GSK3B: variants seen among roughly 807,000 people sequenced by gnomAD.
The protein encoded by GSK3B is glycogen synthase kinase 3 beta, also known as glycogen synthase kinase-3 beta.
Under a neutral mutation model 56.4 loss-of-function variants are expected in GSK3B, and 15 were observed. The ratio of observed to expected loss-of-function variants is 0.27; its 90% CI spans 0.18 to 0.41. The LOEUF (loss-of-function observed/expected upper bound fraction) is 0.41. Among genes scored for constraint, GSK3B ranks in the 10% least tolerant of loss-of-function variants. The probability of loss-of-function intolerance (pLI) is 1.00; values close to 1 mark genes in which losing one functional copy is unlikely to be tolerated. For missense variants in GSK3B, 300 were observed against 513.4 expected, an observed-to-expected ratio of 0.58 and a Z score of 4.02; for synonymous variants, 181 against 188.9, an observed-to-expected ratio of 0.96 and a Z score of 0.34.
intron 3 of GSK3B, among the ~76,000 whole-genome samples, chr3:119,930,214 T>C (rs2056932576): frequency 6.6e-6 from 1 of 152,180 alleles, no homozygotes; most frequent in South Asian, 2.1e-4. Flanking sequence ...CAGAGATTTC[T>C]AGTTACAGGA....
intron 6 of GSK3B, among the ~76,000 whole-genome samples, chr3:119,909,210 C>T (rs959869581): frequency 1.1e-4 from 16 of 152,012 alleles, no homozygotes; most frequent in African/African-American, 3.6e-4. Flanking sequence ...AGGTTTTCAC[C>T]ATGTTGCCCA....
intron 1 of GSK3B, among the ~76,000 whole-genome samples, chr3:120,038,353 C>T (rs772704997): frequency 3.9e-5 from 6 of 152,068 alleles, no homozygotes; most frequent in Non-Finnish European, 8.8e-5. Flanking sequence ...CTCCTTGAAC[C>T]CAAGCGTTCA....
At chr3:120,029,252 G>A (rs2057955312) in intron 1 of GSK3B, 1 of 720,490 alleles carries the variant, frequency 1.4e-6, no homozygotes, top group Non-Finnish European at 2.6e-6. Context: ...GGTTATCACA[G>A]CTGCAAATGA....
chr3:120,007,868 T>C (rs1302837562), intron 1 of GSK3B, among the ~76,000 whole-genome samples: 1 of 152,198 alleles, frequency 6.6e-6, no homozygotes, highest in Non-Finnish European at 1.5e-5. Flanking sequence ...AAGACAAAGA[T>C]GCCCTCTCTC....
chr3:119,859,234 T>C (rs1179828183), intron 9 of GSK3B, among the ~76,000 whole-genome samples: 1 of 148,844 alleles, frequency 6.7e-6, no homozygotes, highest in East Asian at 2.0e-4. Context: ...TGAAGCTCAA[T>C]AAAACAATGT....
At chr3:120,089,949 C>CA (rs1298977028) in intron 1 of GSK3B, among the ~76,000 whole-genome samples, 4 of 151,852 alleles carry the variant, frequency 2.6e-5, no homozygotes, top group Non-Finnish European at 5.9e-5. Flanking sequence ...ACAAAAAGGG[C>CA]AAAAAATACT....
chr3:119,842,088 A>AG (rs1482997248), intron 10 of GSK3B, among the ~76,000 whole-genome samples: 1 of 151,974 alleles, frequency 6.6e-6, no homozygotes, highest in African/African-American at 2.4e-5. Context: ...AGAGAGAGAG[A>AG]AAAAAAAGGT....
intron 3 of GSK3B, among the ~76,000 whole-genome samples, chr3:119,931,009 A>G (rs1237938317): frequency 6.6e-6 from 1 of 152,252 alleles, no homozygotes; most frequent in Non-Finnish European, 1.5e-5. Context: ...CTCTTGTTAA[A>G]TTTACAAATG....
intron 7 of GSK3B, among the ~76,000 whole-genome samples, chr3:119,893,740 G>C (rs2056530044): frequency 6.6e-6 from 1 of 152,014 alleles, no homozygotes; most frequent in African/African-American, 2.4e-5. Flanking sequence ...GGGGCAATCG[G>C]GGTGGATGGT....
intron 7 of GSK3B, among the ~76,000 whole-genome samples, chr3:119,897,218 TAGGCACACATACTTTTAAGTATAC>T (rs1400542424): frequency 2.6e-5 from 4 of 152,286 alleles, no homozygotes; most frequent in African/African-American, 9.6e-5. Context: ...TTTCCATGCC[TAGGCACACATACTTTTAAGTATAC>T]AGGGATTTAA....
At chr3:119,885,138 T>C (rs1157573039) in intron 7 of GSK3B, among the ~76,000 whole-genome samples, 1 of 151,996 alleles carries the variant, frequency 6.6e-6, no homozygotes, top group African/African-American at 2.4e-5. Context: ...ATAAATGCCT[T>C]CAGTAGTTTC....
intron 10 of GSK3B, among the ~76,000 whole-genome samples, chr3:119,829,911 T>C (rs1004914229): frequency 6.6e-6 from 1 of 152,246 alleles, no homozygotes; most frequent in Non-Finnish European, 1.5e-5. Flanking sequence ...ATTATAAATA[T>C]CTTTGATATC....
chr3:120,021,662 T>G (rs758007808), intron 1 of GSK3B, among the ~76,000 whole-genome samples: 1 of 152,154 alleles, frequency 6.6e-6, no homozygotes, highest in Non-Finnish European at 1.5e-5. Context: ...AGAACCAGAA[T>G]TAGAAACAGA....
intron 7 of GSK3B, among the ~76,000 whole-genome samples, chr3:119,897,708 C>G (rs73175854): frequency 0.012 from 1,659 of 143,404 alleles, 14 homozygotes; most frequent in Non-Finnish European, 0.019. Flanking sequence ...AATACAAGAA[C>G]AAATTAAGTA....
intron 2 of GSK3B, among the ~76,000 whole-genome samples, chr3:119,970,529 T>C (rs1393603780): frequency 6.6e-6 from 1 of 150,904 alleles, no homozygotes; most frequent in African/African-American, 2.4e-5. Context: ...CCCAACACTT[T>C]GAGAGGCCAA....
chr3:119,928,308 A>G (rs1013731756), intron 3 of GSK3B, among the ~76,000 whole-genome samples: 1 of 152,178 alleles, frequency 6.6e-6, no homozygotes, highest in Non-Finnish European at 1.5e-5. Context: ...GAATAAAGTT[A>G]TAAAAAAGGA....
intron 2 of GSK3B, among the ~76,000 whole-genome samples, chr3:119,954,414 T>C (rs900068012): frequency 3.9e-5 from 4 of 102,726 alleles, no homozygotes; most frequent in African/African-American, 1.8e-4. Flanking sequence ...GTTTTTTTCA[T>C]GAAACTTGTT....
chr3:120,011,959 C>T (rs1025755495), intron 1 of GSK3B, among the ~76,000 whole-genome samples: 7 of 152,156 alleles, frequency 4.6e-5, no homozygotes, highest in Non-Finnish European at 7.3e-5. Context: ...CCACTAACTT[C>T]ATATTCTTTT....
chr3:119,970,550 T>A (rs1267244051), intron 2 of GSK3B, among the ~76,000 whole-genome samples: 1 of 143,064 alleles, frequency 7.0e-6, no homozygotes, highest in Non-Finnish European at 1.5e-5. Flanking sequence ...GGCCGGTGGA[T>A]CACAAGGTCA....
Sources: gnomAD v4.1 joint callset for allele counts (sites outside exome capture counted in the v4.1 genomes callset) on GRCh38, gnomAD v4.1.1 for gene constraint, MANE v1.5 for transcripts, NCBI Gene and HGNC (gene_info 2026-07-23, HGNC 2026-07-21) for gene names.